The following VPS13C variants were observed in gnomAD, a reference collection of about 807,000 sequenced individuals.
VPS13C encodes the protein intermembrane lipid transfer protein VPS13C.
In VPS13C, 358 loss-of-function variants were observed where a neutral mutation model predicts 456.8. The observed-to-expected ratio is 0.78, with a 90% confidence interval of 0.72 to 0.86. The LOEUF is 0.86. VPS13C is among the 40% of genes least tolerant of loss of function. The pLI is 0.00. For synonymous variants in VPS13C, 1,578 were observed against 1,486.7 expected, an observed-to-expected ratio of 1.06 and a Z score of -1.41; for missense variants, 4,818 against 4,385.4, an observed-to-expected ratio of 1.10 and a Z score of -2.79.
intron 16 of VPS13C, among the ~76,000 whole-genome samples, chr15:61,993,368 T>G (rs1311860673): frequency 6.6e-6 from 1 of 152,010 alleles, no homozygotes; most frequent in African/African-American, 2.4e-5. Flanking sequence ...TTTTTACACT[T>G]TGGGGTAAAG....
chr15:61,966,508 AC>A (rs1159083801), intron 29 of VPS13C, among the ~76,000 whole-genome samples: 1 of 151,870 alleles, frequency 6.6e-6, no homozygotes. Context: ...AGTAAAAGAA[AC>A]CTTGTTTCTT....
rs774215086 is a variant in VPS13C, at chr15:61,880,991, C to A, written c.9777-37G>T. 5 of 1,503,182 alleles carry A rather than the reference C, an allele frequency of 3.3e-6. No homozygotes were observed. In the South Asian group the frequency reaches 3.6e-5, roughly 11 times the overall value. The allele number at this position is 1,503,182 out of a possible 1,614,324, so 93.1% of individuals were successfully genotyped here. A position where few individuals can be genotyped will look rare whatever the true frequency, so the allele number is the denominator to read the frequency against. On this transcript the variant is annotated intron_variant, in intron 71 of 84. Coordinates refer to ENST00000644861, the MANE Select transcript of VPS13C (RefSeq NM_020821.3). The stretch of plus-strand genomic sequence containing the variant: ...AATTTAAAATGGAAAAGGATTTCTA[C>A]CAAATCTTTTAATTTTCAATGTTAA...
At chr15:61,949,350 C>A in intron 42 of VPS13C, 93 bp downstream of exon 42, 2 of 1,424,844 alleles carry the variant, frequency 1.4e-6, no homozygotes, top group Non-Finnish European at 1.9e-6. Flanking sequence ...GCAATGTCAA[C>A]ATGCTAAATA....
chr15:62,001,455 A>G (rs1386404058), intron 15 of VPS13C, among the ~76,000 whole-genome samples: 1 of 152,196 alleles, frequency 6.6e-6, no homozygotes, highest in African/African-American at 2.4e-5. Context: ...CATTAAGCAA[A>G]TTATGTATCC....
At chr15:62,023,671 CTTG>C in intron 7 of VPS13C, 106 bp downstream of exon 7, 1 of 1,261,704 alleles carries the variant, frequency 7.9e-7, no homozygotes, top group Non-Finnish European at 1.1e-6. Flanking sequence ...CAACTTAAAA[CTTG>C]TTTTTGAATT....
intron 79 of VPS13C, 100 bp from the exon 80 acceptor site, chr15:61,869,723 G>C: frequency 6.6e-7 from 1 of 1,523,274 alleles, no homozygotes; most frequent in East Asian, 2.3e-5. Flanking sequence ...GTTTTACCCA[G>C]GAAGTTACAA....
At chr15:61,891,811 T>TC (rs2042661080) in intron 66 of VPS13C, among the ~76,000 whole-genome samples, 1 of 152,140 alleles carries the variant, frequency 6.6e-6, no homozygotes, top group Non-Finnish European at 1.5e-5. Context: ...CAATGTGGCT[T>TC]CACTCTTTAC....
At chr15:61,889,128 T>C (rs1162626172) in intron 67 of VPS13C, among the ~76,000 whole-genome samples, 2 of 152,088 alleles carry the variant, frequency 1.3e-5, no homozygotes, top group Non-Finnish European at 2.9e-5. Flanking sequence ...TTTAGATAAA[T>C]TTTTTAATGT....
chr15:61,910,352 TA>T, intron 63 of VPS13C, 47 bp from the exon 64 acceptor site: 1 of 1,327,608 alleles, frequency 7.5e-7, no homozygotes, highest in Non-Finnish European at 9.8e-7. Flanking sequence ...TACCGTTATA[TA>T]ATAAATAAGA....
Position 61,978,810 on chromosome 15 carries a change from T to C in VPS13C, c.2167-61A>G, listed in dbSNP as rs2045787916. On this transcript the variant is annotated intron_variant, in intron 22 of 84. Coordinates refer to ENST00000644861, the MANE Select transcript of VPS13C (RefSeq NM_020821.3). ...AAACAGAAAAGCACATACATCAACATACTTTAGTTAGGTTTCAGTCTTGCA... is the reference window on the plus strand; with the variant it reads ...AAACAGAAAAGCACATACATCAACACACTTTAGTTAGGTTTCAGTCTTGCA... The C allele has an allele frequency of 3.3e-6, 5 of 1,509,750 alleles. No individual in the cohort carries two copies. The South Asian group carries it at 4.0e-5, about 12-fold the overall frequency. 93.5% of individuals were successfully genotyped at this position (1,509,750 alleles called of 1,614,324 possible).
At chr15:62,002,596 T>A (rs1373015301) in intron 15 of VPS13C, among the ~76,000 whole-genome samples, 1 of 152,220 alleles carries the variant, frequency 6.6e-6, no homozygotes, top group Middle Eastern at 3.2e-3. Flanking sequence ...TCCTTGTCCA[T>A]GCCTATGTCC....
At chr15:62,021,371 C>T (rs2047454165) in intron 8 of VPS13C, among the ~76,000 whole-genome samples, 1 of 151,866 alleles carries the variant, frequency 6.6e-6, no homozygotes, top group Non-Finnish European at 1.5e-5. Context: ...CTTCAAAATG[C>T]TTCTAGGAAA....
At chr15:61,963,793 G>GT in intron 32 of VPS13C, 42 bp downstream of exon 32, 1 of 1,419,070 alleles carries the variant, frequency 7.0e-7, no homozygotes, top group Non-Finnish European at 9.9e-7. Flanking sequence ...AGAAGGAAAA[G>GT]TTTATCTTTT....
intron 14 of VPS13C, 84 bp from the exon 15 acceptor site, chr15:62,007,563 G>A: frequency 1.6e-6 from 2 of 1,226,700 alleles, no homozygotes; most frequent in Non-Finnish European, 2.1e-6. Flanking sequence ...TAGATCTTAT[G>A]CTGTCAAATT....
In VPS13C at chr15:61,869,570, C is replaced by A. The variant is rs774621566; in HGVS notation, c.10678G>T (p.Val3560Leu). The A allele has an allele frequency of 5.0e-6, 8 of 1,614,040 alleles. No individual in the cohort carries two copies. Among genetic ancestry groups the A allele is most frequent in the Non-Finnish European group, 6.8e-6 (8 of 1,180,032 alleles). ...GFFKGIGKGL[V>L]GAVARPTGGI... ...CCAGTTGGACGGGCCACAGCACCCA[C>A]AAGCCCTTTTCCAATTCCTTTAAAG... The change falls in exon 80 of 85, where the codon GTG (valine) becomes TTG (leucine). Residue 3560 changes from valine (V) to leucine (L), a missense_variant. Coordinates refer to ENST00000644861, the MANE Select transcript of VPS13C (RefSeq NM_020821.3).
At position 61,922,501 on chromosome 15, in the gene VPS13C, G is replaced by A; in HGVS notation, c.6871C>T (p.Leu2291Phe). ...AATAAAGGTACAGTTCGATGTCCAA[G>A]GCCACATTCTAAGGTAACTTGAATG... ...ESIQVTLECG[L>F]GHRTVPLLLA... The change falls in exon 54 of 85, where the codon CTT becomes TTT. Residue 2291 changes from leucine to phenylalanine, a missense_variant. Coordinates refer to ENST00000644861, the MANE Select transcript of VPS13C (RefSeq NM_020821.3). The A allele has an allele frequency of 1.2e-6, 2 of 1,613,976 alleles. No individual in the cohort carries two copies. The highest frequency in any genetic ancestry group is 1.7e-6 in the Non-Finnish European group (2 of 1,179,956).
Position 61,881,617 on chromosome 15 carries a change from A to G in VPS13C, c.9722T>C (p.Ile3241Thr), listed in dbSNP as rs778650286. 5 of 1,612,782 alleles carry G rather than the reference A, an allele frequency of 3.1e-6. No homozygotes were observed. The highest frequency in any genetic ancestry group is 3.3e-5 in the Admixed American group (2 of 59,818). ...IALDSEPKPF[I>T]DVSVITRFNE... Reference sequence around the variant, plus strand: ...AAATCTTGTGATGACACTCACATCAATGAAAGGCTTGGGCTCTAAGAGGAA... The same window carrying G: ...AAATCTTGTGATGACACTCACATCAGTGAAAGGCTTGGGCTCTAAGAGGAA... Residue 3241 changes from isoleucine to threonine, a missense_variant, in exon 71 of 85, where the codon ATT (isoleucine) becomes ACT (threonine). Around this residue, in one of 3 missense-constraint regions of VPS13C, gnomAD observed 4,552 missense variants for 4,130.6 expected, o/e 1.10. Transcript: ENST00000644861.
chr15:61,947,105 A>T lies in VPS13C; in HGVS notation c.4876+88T>A, dbSNP rs7166891. ...CTTCAATATAAGTAAACCAAAAGAA[A>T]ACTCATGAGAAATCTAACAGGTACA... On this transcript the variant is annotated intron_variant, in intron 43 of 84. Coordinates refer to ENST00000644861, the MANE Select transcript of VPS13C (RefSeq NM_020821.3). 471,406 of 809,848 alleles carry T rather than the reference A, an allele frequency of 0.58. 139,904 individuals are homozygous for T. The highest frequency in any genetic ancestry group is 0.75 in the East Asian group (26,592 of 35,284). The allele number at this position is 809,848 out of a possible 1,614,324, so 50.2% of individuals were successfully genotyped here. A position where few individuals can be genotyped will look rare whatever the true frequency, so the allele number is the denominator to read the frequency against.
At chr15:62,032,753 T>C (rs1314705589) in intron 5 of VPS13C, among the ~76,000 whole-genome samples, 7 of 151,726 alleles carry the variant, frequency 4.6e-5, no homozygotes, top group Non-Finnish European at 1.5e-5. Flanking sequence ...TTATATAAAA[T>C]GCTAATAACT....
Sources: allele counts gnomAD v4.1 joint callset (sites outside exome capture counted in the v4.1 genomes callset), GRCh38; gene constraint gnomAD v4.1.1; regional missense constraint gnomAD v4.1.1; transcripts MANE v1.5; gene names NCBI Gene and HGNC (gene_info 2026-07-23, HGNC 2026-07-21).